The following LRRTM4 variants were observed in gnomAD, a reference collection of about 807,000 sequenced individuals.
The protein encoded by LRRTM4 is leucine rich repeat transmembrane neuronal 4.
Under a neutral mutation model 47.6 loss-of-function variants are expected in LRRTM4, and 25 were observed. The observed-to-expected ratio is 0.53, with a 90% CI of 0.38 to 0.73. LRRTM4 has a LOEUF of 0.73. Among genes scored for constraint, LRRTM4 ranks in the 30% least tolerant of loss-of-function variants. The probability of loss-of-function intolerance (pLI) is 0.00; values close to 1 mark genes in which losing one functional copy is unlikely to be tolerated. For synonymous variants in LRRTM4, 311 were observed against 269.5 expected, an observed-to-expected ratio of 1.15 and a Z score of -1.51; for missense variants, 638 against 713.4, an observed-to-expected ratio of 0.89 and a Z score of 1.20.
chr2:76,932,052 G>A (rs112649101), intron 3 of LRRTM4, among the ~76,000 whole-genome samples: 2 of 152,138 alleles, frequency 1.3e-5, no homozygotes, highest in African/African-American at 4.8e-5. Context: ...AGTAACTACT[G>A]TGTTTCTCCC....
At chr2:77,072,488 A>G (rs2103831143) in intron 3 of LRRTM4, among the ~76,000 whole-genome samples, 2 of 152,224 alleles carry the variant, frequency 1.3e-5, no homozygotes, top group East Asian at 3.9e-4. Context: ...CCAACATACA[A>G]TCCTGGGTCA....
At chr2:77,060,505 TTTC>T (rs1243908031) in intron 3 of LRRTM4, among the ~76,000 whole-genome samples, 1 of 152,192 alleles carries the variant, frequency 6.6e-6, no homozygotes, top group African/African-American at 2.4e-5. Flanking sequence ...GGCTGTATAT[TTTC>T]TTATTTGTAT....
intron 3 of LRRTM4, among the ~76,000 whole-genome samples, chr2:76,978,150 T>C (rs1303452502): frequency 6.6e-6 from 1 of 151,998 alleles, no homozygotes; most frequent in Non-Finnish European, 1.5e-5. Context: ...TTTATGAGCC[T>C]TCCCATACTA....
At chr2:77,202,049 A>C (rs1374220633) in intron 3 of LRRTM4, among the ~76,000 whole-genome samples, 1 of 152,148 alleles carries the variant, frequency 6.6e-6, no homozygotes, top group African/African-American at 2.4e-5. Flanking sequence ...GGCATTGTGC[A>C]GGTGCTCTCT....
At chr2:76,952,550 C>G (rs1048021047) in intron 3 of LRRTM4, among the ~76,000 whole-genome samples, 19 of 151,718 alleles carry the variant, frequency 1.3e-4, no homozygotes, top group Non-Finnish European at 4.4e-5. Context: ...GAAATAATGG[C>G]AAGTTTGTAC....
intron 3 of LRRTM4, chr2:77,516,542 C>A: frequency 1.1e-6 from 1 of 882,946 alleles, no homozygotes; most frequent in Non-Finnish European, 1.4e-6. Context: ...ATATACCAGC[C>A]TTTAAGAGGA....
chr2:77,101,551 C>G (rs1376694328), intron 3 of LRRTM4, among the ~76,000 whole-genome samples: 1 of 152,138 alleles, frequency 6.6e-6, no homozygotes, highest in Non-Finnish European at 1.5e-5. Flanking sequence ...CATAGTTAGC[C>G]TAATAAAATT....
At chr2:77,076,933 A>G (rs1680356680) in intron 3 of LRRTM4, among the ~76,000 whole-genome samples, 1 of 152,082 alleles carries the variant, frequency 6.6e-6, no homozygotes, top group South Asian at 2.1e-4. Context: ...TCTCCCCTGT[A>G]TTTCCCCTAG....
chr2:77,436,726 A>T (rs1487984876), intron 3 of LRRTM4, among the ~76,000 whole-genome samples: 1 of 151,818 alleles, frequency 6.6e-6, no homozygotes, highest in African/African-American at 2.4e-5. Context: ...CAATACATTA[A>T]TTTCTGCTTT....
intron 3 of LRRTM4, among the ~76,000 whole-genome samples, chr2:77,092,274 GT>G (rs1372563106): frequency 2.0e-5 from 3 of 151,844 alleles, no homozygotes; most frequent in Admixed American, 2.0e-4. Flanking sequence ...CCCCATGACT[GT>G]ATCTCTGTGA....
At position 77,521,677 on chromosome 2, in the gene LRRTM4, G is replaced by A; in HGVS notation, c.-6C>T. 3.1e-6 allele frequency: 5 copies of A among 1,611,970 alleles called. No homozygotes were observed. The highest frequency in any genetic ancestry group is 4.2e-6 in the Non-Finnish European group (5 of 1,179,038). On this transcript the variant is annotated 5_prime_UTR_variant, in exon 2 of 4. Transcript: ENST00000409884. ...ACAAAAGTTCACTTACCCATCCTTT[G>A]TCATCCAAAAACGTTTCCCCCCTCT... is the stretch of plus-strand genomic sequence containing the variant.
chr2:77,411,045 A>T (rs995890367), intron 3 of LRRTM4, among the ~76,000 whole-genome samples: 27 of 152,216 alleles, frequency 1.8e-4, no homozygotes, highest in African/African-American at 6.3e-4. Context: ...CCTGAGCATT[A>T]GAAACACAGG....
At chr2:77,288,479 G>A (rs986823016) in intron 3 of LRRTM4, among the ~76,000 whole-genome samples, 5 of 151,878 alleles carry the variant, frequency 3.3e-5, no homozygotes, top group African/African-American at 1.2e-4. Flanking sequence ...AAACTGAAAA[G>A]TCAATATCAT....
intron 3 of LRRTM4, among the ~76,000 whole-genome samples, chr2:76,993,018 G>A (rs773085644): frequency 3.4e-4 from 51 of 151,756 alleles, no homozygotes; most frequent in Non-Finnish European, 6.8e-4. Flanking sequence ...AATAAGCAGT[G>A]GGGAAAGGAC....
At position 77,385,655 on chromosome 2, in the gene LRRTM4, T is replaced by A. The variant is rs79795974; in HGVS notation, c.1551+132663A>T. 2.3e-3 allele frequency among the ~76,000 whole-genome samples: 351 copies of A among 151,944 alleles called. 7 individuals are homozygous for A. The East Asian group carries it at 0.065, about 28-fold the overall frequency. ...TGTATTAATCTCAAATTTTCACACC[T>A]GTTGTAATAAGTAGACTGTATTTTT... On this transcript the variant is annotated intron_variant, in intron 3 of 3. Transcript: ENST00000409884.
chr2:77,021,801 A>G (rs544269515), intron 3 of LRRTM4, among the ~76,000 whole-genome samples: 2 of 152,070 alleles, frequency 1.3e-5, no homozygotes, highest in Non-Finnish European at 2.9e-5. Flanking sequence ...CTAATGCCAT[A>G]AATTTTTAAT....
chr2:77,323,891 C>T (rs1670651504), intron 3 of LRRTM4, among the ~76,000 whole-genome samples: 1 of 151,888 alleles, frequency 6.6e-6, no homozygotes, highest in South Asian at 2.1e-4. Flanking sequence ...ATAATAGTCC[C>T]TAGCTGATAT....
chr2:76,998,622 T>G (rs1054194679), intron 3 of LRRTM4, among the ~76,000 whole-genome samples: 1 of 151,926 alleles, frequency 6.6e-6, no homozygotes, highest in Non-Finnish European at 1.5e-5. Flanking sequence ...TTGTACACAT[T>G]GAAGTCTGAC....
intron 3 of LRRTM4, among the ~76,000 whole-genome samples, chr2:77,031,411 T>A (rs1678651669): frequency 6.6e-6 from 1 of 152,190 alleles, no homozygotes; most frequent in Non-Finnish European, 1.5e-5. Context: ...GAGGTGGAAT[T>A]TAACTTTCTT....
Sources: allele counts gnomAD v4.1 joint callset (sites outside exome capture counted in the v4.1 genomes callset), GRCh38; gene constraint gnomAD v4.1.1; transcripts MANE v1.5; gene names NCBI Gene and HGNC (gene_info 2026-07-23, HGNC 2026-07-21).